The following DOK6 variants were observed in gnomAD, a reference collection of about 807,000 sequenced individuals.
DOK6 encodes the protein docking protein 6, also known as downstream of tyrosine kinase 6.
DOK6 carries 22 observed loss-of-function variants against 44.0 expected under a neutral mutation model. That is an observed-to-expected ratio of 0.50 (90% CI 0.36 to 0.71). The LOEUF (loss-of-function observed/expected upper bound fraction) is 0.71. Ranked by LOEUF, DOK6 falls within the 30% of genes least tolerant of loss-of-function variation. DOK6 has a pLI of 0.00. For synonymous variants in DOK6, 166 were observed against 145.5 expected (o/e 1.14, Z -1.01); for missense variants, 340 against 416.4 (o/e 0.82, Z 1.60).
intron 1 of DOK6, among the ~76,000 whole-genome samples, chr18:69,449,888 T>A (rs944293438): frequency 1.3e-5 from 2 of 149,940 alleles, no homozygotes; most frequent in African/African-American, 4.9e-5. Flanking sequence ...AGAAAGGACA[T>A]CCACACCGAA....
intron 5 of DOK6, among the ~76,000 whole-genome samples, chr18:69,730,028 C>T (rs779173133): frequency 1.9e-4 from 29 of 151,968 alleles, no homozygotes; most frequent in Non-Finnish European, 3.1e-4. Context: ...TAAATCAATA[C>T]GGAAGGAAAA....
Position 69,769,021 on chromosome 18 carries a change from T to A in DOK6, c.856+11148T>A, listed in dbSNP as rs191837958. Among the ~76,000 whole-genome samples the A allele has an allele frequency of 4.0e-5, 6 of 149,044 alleles. No homozygotes were observed. In the Admixed American group the frequency reaches 4.1e-4, roughly 10 times the overall value. ...TTAATTCAGGAAGAAGAATGTAGTT[T>A]GGGAGTGCTCTTAGAAATTTTTGGT... On this transcript the variant is annotated intron_variant, in intron 7 of 7. Coordinates refer to ENST00000382713, the MANE Select transcript of DOK6 (RefSeq NM_152721.6).
intron 1 of DOK6, among the ~76,000 whole-genome samples, chr18:69,484,523 A>G (rs1356313725): frequency 6.6e-6 from 1 of 152,176 alleles, no homozygotes; most frequent in Non-Finnish European, 1.5e-5. Context: ...AAGGGTTTTA[A>G]GCTTTGTCAT....
chr18:69,709,466 A>G (rs962852516), intron 5 of DOK6, among the ~76,000 whole-genome samples: 1 of 152,142 alleles, frequency 6.6e-6, no homozygotes, highest in Non-Finnish European at 1.5e-5. Flanking sequence ...TTTTGTTGGG[A>G]AAATGTTAAA....
intron 5 of DOK6, among the ~76,000 whole-genome samples, chr18:69,713,421 A>AGG (rs1291031684): frequency 1.3e-5 from 2 of 152,222 alleles, no homozygotes; most frequent in Non-Finnish European, 2.9e-5. Flanking sequence ...CCTGCATACC[A>AGG]AATCTCTTTT....
chr18:69,802,959 T>C (rs1256445725), intron 7 of DOK6, among the ~76,000 whole-genome samples: 1 of 152,148 alleles, frequency 6.6e-6, no homozygotes, highest in Non-Finnish European at 1.5e-5. Context: ...GGAATTGATA[T>C]AAGAAACTAT....
At chr18:69,635,522 G>T (rs1013380579) in intron 3 of DOK6, among the ~76,000 whole-genome samples, 1 of 152,070 alleles carries the variant, frequency 6.6e-6, no homozygotes, top group South Asian at 2.1e-4. Flanking sequence ...TGCTTCCATG[G>T]AACCAGGAAT....
Position 69,665,189 on chromosome 18 carries a change from G to GA in DOK6, c.290-12535dup, listed in dbSNP as rs59662616. 9.2e-4 allele frequency among the ~76,000 whole-genome samples: 135 copies of GA among 146,134 alleles called. 1 individual carries two copies. Among genetic ancestry groups the GA allele is most frequent in the Admixed American group, 4.6e-3 (67 of 14,692 alleles). On this transcript the variant is annotated intron_variant, in intron 3 of 7. Coordinates refer to ENST00000382713, the MANE Select transcript of DOK6 (RefSeq NM_152721.6). ...GAGCAAGACTCCGTCTCAAAAAAAAGAAAAAAAAAATGCATTAACTCCTCC... is the reference window on the plus strand; with the variant it reads ...GAGCAAGACTCCGTCTCAAAAAAAAGAAAAAAAAAAATGCATTAACTCCTCC...
Position 69,405,818 on chromosome 18 carries a change from C to T in DOK6, c.66+4508C>T, listed in dbSNP as rs565031385. 1.4e-4 allele frequency among the ~76,000 whole-genome samples: 21 copies of T among 152,138 alleles called. No individual in the cohort carries two copies. In the South Asian group the frequency reaches 4.4e-3, roughly 32 times the overall value. The stretch of plus-strand genomic sequence containing the variant: ...AAAACATATAAATAACTTAGTCATT[C>T]TGACTATTTAAAAATTCTAAAGGAA... On this transcript the variant is annotated intron_variant, in intron 1 of 7. Transcript: ENST00000382713.
intron 3 of DOK6, among the ~76,000 whole-genome samples, chr18:69,666,945 C>T (rs969027558): frequency 2.6e-5 from 4 of 152,136 alleles, no homozygotes; most frequent in Admixed American, 6.5e-5. Context: ...TCTGCAGGCT[C>T]CACCTCTGTC....
intron 2 of DOK6, among the ~76,000 whole-genome samples, chr18:69,577,587 G>T (rs1026389905): frequency 1.3e-5 from 2 of 152,074 alleles, no homozygotes; most frequent in African/African-American, 4.8e-5. Context: ...TCTCAGGGAA[G>T]ACTCAAAGAA....
chr18:69,433,795 G>C (rs1410574552), intron 1 of DOK6, among the ~76,000 whole-genome samples: 3 of 152,160 alleles, frequency 2.0e-5, no homozygotes, highest in Admixed American at 6.5e-5. Flanking sequence ...TCACTTTTAT[G>C]ACATGAAGTT....
At chr18:69,531,220 T>C (rs1343291302) in intron 1 of DOK6, among the ~76,000 whole-genome samples, 1 of 146,876 alleles carries the variant, frequency 6.8e-6, no homozygotes, top group Non-Finnish European at 1.5e-5. Flanking sequence ...AATTTACCAG[T>C]CTGAGAAGTT....
At chr18:69,699,167 G>A (rs530369306) in intron 5 of DOK6, among the ~76,000 whole-genome samples, 2 of 152,076 alleles carry the variant, frequency 1.3e-5, no homozygotes, top group Non-Finnish European at 2.9e-5. Context: ...CCAAATCATT[G>A]TCTTTATGCT....
chr18:69,707,381 A>C (rs1288384357), intron 5 of DOK6, among the ~76,000 whole-genome samples: 3 of 152,228 alleles, frequency 2.0e-5, no homozygotes, highest in Admixed American at 2.0e-4. Context: ...TCGGCCTACC[A>C]AGTTATCACA....
At chr18:69,618,015 G>T (rs1352090736) in intron 3 of DOK6, among the ~76,000 whole-genome samples, 1 of 152,172 alleles carries the variant, frequency 6.6e-6, no homozygotes, top group African/African-American at 2.4e-5. Context: ...TTTGGATACA[G>T]AAACACAGAG....
At chr18:69,542,137 A>G (rs911417696) in intron 1 of DOK6, among the ~76,000 whole-genome samples, 1 of 151,554 alleles carries the variant, frequency 6.6e-6, no homozygotes, top group African/African-American at 2.4e-5. Context: ...ATGAAATTAC[A>G]AAAGCATTAG....
chr18:69,719,082 A>T (rs929522905), intron 5 of DOK6, among the ~76,000 whole-genome samples: 2 of 152,226 alleles, frequency 1.3e-5, no homozygotes, highest in Non-Finnish European at 2.9e-5. Context: ...CAGAAATGCC[A>T]ATACACTGAG....
chr18:69,456,168 T>A (rs977212346), intron 1 of DOK6, among the ~76,000 whole-genome samples: 1 of 152,202 alleles, frequency 6.6e-6, no homozygotes, highest in Non-Finnish European at 1.5e-5. Flanking sequence ...CCAGGAATTA[T>A]GTCAAAAATT....
Sources: gnomAD v4.1 joint callset for allele counts (sites outside exome capture counted in the v4.1 genomes callset) on GRCh38, gnomAD v4.1.1 for gene constraint, MANE v1.5 for transcripts, NCBI Gene and HGNC (gene_info 2026-07-23, HGNC 2026-07-21) for gene names.